The following MLLT3 variants were observed in gnomAD, a reference collection of about 807,000 sequenced individuals.
MLLT3 encodes the protein MLLT3 super elongation complex subunit, also known as protein AF-9.
Under a neutral mutation model 53.2 loss-of-function variants are expected in MLLT3, and 4 were observed. That is an observed-to-expected ratio of 0.08 (90% CI 0.04 to 0.17). MLLT3 has a LOEUF of 0.17. Among genes scored for constraint, MLLT3 ranks in the 10% least tolerant of loss-of-function variants. The pLI is 1.00. For synonymous variants in MLLT3, 283 were observed against 230.6 expected, an observed-to-expected ratio of 1.23 and a Z score of -2.06; for missense variants, 569 against 684.0, an observed-to-expected ratio of 0.83 and a Z score of 1.87.
intron 4 of MLLT3, among the ~76,000 whole-genome samples, chr9:20,441,503 A>T (rs1348468877): frequency 6.6e-6 from 1 of 151,884 alleles, no homozygotes; most frequent in African/African-American, 2.4e-5. Flanking sequence ...TTGTGGGGGG[A>T]GGTGGCCGAC....
intron 2 of MLLT3, among the ~76,000 whole-genome samples, chr9:20,497,224 T>C (rs531242780): frequency 2.5e-4 from 38 of 152,354 alleles, no homozygotes; most frequent in African/African-American, 8.7e-4. Context: ...TAAACCCCTC[T>C]GACCTCCCAA....
At chr9:20,540,398 G>C (rs1818599490) in intron 2 of MLLT3, among the ~76,000 whole-genome samples, 1 of 152,206 alleles carries the variant, frequency 6.6e-6, no homozygotes, top group Non-Finnish European at 1.5e-5. Context: ...GGACATCCAG[G>C]CATTTCCACA....
chr9:20,489,772 G>C (rs530734667), intron 2 of MLLT3, among the ~76,000 whole-genome samples: 85 of 152,206 alleles, frequency 5.6e-4, no homozygotes, highest in Non-Finnish European at 1.1e-3. Context: ...TATATAAACG[G>C]CAAGCTATTT....
rs553701487 is a variant in MLLT3, at chr9:20,372,638, G to A, written c.1126-6894C>T. On this transcript the variant is annotated intron_variant, in intron 5 of 10. Transcript: ENST00000380338. ...TTAGCCAGGATGGTCTCGATCTCCTGACCTCGTGATCCACCCGCCTTGGCC... is the reference window on the plus strand; with the variant it reads ...TTAGCCAGGATGGTCTCGATCTCCTAACCTCGTGATCCACCCGCCTTGGCC... Among the ~76,000 whole-genome samples the A allele has an allele frequency of 3.0e-5, 4 of 135,444 alleles. No homozygotes were observed. In the East Asian group the frequency reaches 8.7e-4, roughly 30 times the overall value. 88.9% of individuals were successfully genotyped at this position (135,444 alleles called of 152,430 possible). A position where few individuals can be genotyped will look rare whatever the true frequency, so the allele number is the denominator to read the frequency against.
chr9:20,360,431 C>T (rs745550033), intron 8 of MLLT3, among the ~76,000 whole-genome samples: 10 of 152,202 alleles, frequency 6.6e-5, no homozygotes, highest in Non-Finnish European at 1.3e-4. Context: ...AATTAAGGCA[C>T]CTACTTACTG....
At chr9:20,377,569 CTTA>C (rs1198516882) in intron 5 of MLLT3, among the ~76,000 whole-genome samples, 1 of 151,948 alleles carries the variant, frequency 6.6e-6, no homozygotes, top group Non-Finnish European at 1.5e-5. Context: ...ACTACATTTC[CTTA>C]TTAACTTTAA....
intron 4 of MLLT3, among the ~76,000 whole-genome samples, chr9:20,424,450 G>T (rs995161936): frequency 6.6e-6 from 1 of 152,040 alleles, no homozygotes; most frequent in Non-Finnish European, 1.5e-5. Flanking sequence ...TTCAAATTTT[G>T]AAGTCATAAA....
At chr9:20,361,778 T>C (rs1020177413) in intron 7 of MLLT3, among the ~76,000 whole-genome samples, 3 of 152,202 alleles carry the variant, frequency 2.0e-5, no homozygotes, top group African/African-American at 7.2e-5. Flanking sequence ...ATGTCCTCTT[T>C]CCGTATTTGC....
At chr9:20,457,560 T>C (rs1586963174) in intron 2 of MLLT3, among the ~76,000 whole-genome samples, 1 of 152,180 alleles carries the variant, frequency 6.6e-6, no homozygotes, top group Non-Finnish European at 1.5e-5. Context: ...AGAGATGTCC[T>C]GACTTCTATG....
chr9:20,433,988 G>A (rs1823341401), intron 4 of MLLT3, among the ~76,000 whole-genome samples: 1 of 151,770 alleles, frequency 6.6e-6, no homozygotes, highest in Non-Finnish European at 1.5e-5. Context: ...GGGTATGGTG[G>A]CACGCACCTG....
intron 2 of MLLT3, among the ~76,000 whole-genome samples, chr9:20,479,004 T>A (rs1428349041): frequency 6.6e-6 from 1 of 152,138 alleles, no homozygotes; most frequent in African/African-American, 2.4e-5. Context: ...GATGACAGTT[T>A]GGATTTGAAG....
At chr9:20,419,158 A>C (rs1272568990) in intron 4 of MLLT3, among the ~76,000 whole-genome samples, 1 of 152,248 alleles carries the variant, frequency 6.6e-6, no homozygotes, top group African/African-American at 2.4e-5. Flanking sequence ...CTTAAGGAGA[A>C]TCAAGTGAAG....
At chr9:20,398,558 C>T (rs149753816) in intron 5 of MLLT3, among the ~76,000 whole-genome samples, 207 of 152,138 alleles carry the variant, frequency 1.4e-3, no homozygotes, top group African/African-American at 4.6e-3. Flanking sequence ...GGGCATTTTA[C>T]CCGTTCCAAT....
rs1819495020 is a variant in MLLT3, at chr9:20,570,208, G to C, written c.193+50446C>G. Among the ~76,000 whole-genome samples, 3 of 71,870 alleles carry C rather than the reference G, an allele frequency of 4.2e-5. No homozygotes were observed. In the Admixed American group the frequency reaches 4.2e-4, roughly 10 times the overall value. 47.1% of individuals were successfully genotyped at this position (71,870 alleles called of 152,430 possible). A position where few individuals can be genotyped will look rare whatever the true frequency, so the allele number is the denominator to read the frequency against. ...ATGAAAAATGCCAGGATATTATATTGTAAGGGACAAAAACTGCATGAGCAG... is the reference window on the plus strand; with the variant it reads ...ATGAAAAATGCCAGGATATTATATTCTAAGGGACAAAAACTGCATGAGCAG... On this transcript the variant is annotated intron_variant, in intron 2 of 10. Transcript: ENST00000380338.
At chr9:20,402,773 T>C (rs1364936228) in intron 5 of MLLT3, among the ~76,000 whole-genome samples, 1 of 152,114 alleles carries the variant, frequency 6.6e-6, no homozygotes, top group East Asian at 1.9e-4. Flanking sequence ...CCAATTAACT[T>C]ACATGACATC....
chr9:20,424,466 A>G (rs1823093238), intron 4 of MLLT3, among the ~76,000 whole-genome samples: 1 of 152,212 alleles, frequency 6.6e-6, no homozygotes, highest in South Asian at 2.1e-4. Flanking sequence ...ATAAAAATTT[A>G]TAGTGCTCAA....
At chr9:20,552,027 C>G (rs1818937820) in intron 2 of MLLT3, among the ~76,000 whole-genome samples, 1 of 152,194 alleles carries the variant, frequency 6.6e-6, no homozygotes, top group Non-Finnish European at 1.5e-5. Flanking sequence ...CCACCCGGAT[C>G]CCTTTATGAC....
intron 2 of MLLT3, among the ~76,000 whole-genome samples, chr9:20,480,729 G>C (rs1020615122): frequency 3.3e-5 from 5 of 152,088 alleles, no homozygotes; most frequent in African/African-American, 7.2e-5. Flanking sequence ...CTGACTCACC[G>C]AACAAACCTT....
At chr9:20,403,409 G>A (rs1412518247) in intron 5 of MLLT3, among the ~76,000 whole-genome samples, 1 of 152,128 alleles carries the variant, frequency 6.6e-6, no homozygotes, top group East Asian at 1.9e-4. Flanking sequence ...ATAAAGAGAT[G>A]GGTGGCATAT....
Sources: allele counts gnomAD v4.1 joint callset (sites outside exome capture counted in the v4.1 genomes callset), GRCh38; gene constraint gnomAD v4.1.1; transcripts MANE v1.5; gene names NCBI Gene and HGNC (gene_info 2026-07-23, HGNC 2026-07-21).